Variants in CHID1 observed in about 807,000 individuals in gnomAD.
CHID1 encodes the protein chitinase domain-containing protein 1.
Under a neutral mutation model 55.4 loss-of-function variants are expected in CHID1, and 44 were observed. The observed-to-expected ratio is 0.79, with a 90% CI of 0.62 to 1.02. The LOEUF (loss-of-function observed/expected upper bound fraction) is 1.02. Among genes scored for constraint, CHID1 ranks in the 50% least tolerant of loss-of-function variants. The pLI is 0.00. For missense variants in CHID1, 491 were observed against 515.3 expected (o/e 0.95, Z 0.46); for synonymous variants, 216 against 212.9 (o/e 1.01, Z -0.13).
intron 1 of CHID1, among the ~76,000 whole-genome samples, chr11:907,557 C>A (rs1241579985): frequency 6.6e-6 from 1 of 152,070 alleles, no homozygotes; most frequent in Non-Finnish European, 1.5e-5. Flanking sequence ...TGAACCACCA[C>A]CATAGCCCAG....
intron 8 of CHID1, among the ~76,000 whole-genome samples, chr11:890,275 CCT>C (rs149255759): frequency 0.01 from 1,559 of 152,374 alleles, 29 homozygotes; most frequent in African/African-American, 0.035. Flanking sequence ...TGCCCCATCC[CCT>C]GAGGCTGCGG....
At chr11:895,006 C>T (rs372348043) in intron 7 of CHID1, among the ~76,000 whole-genome samples, 5 of 152,300 alleles carry the variant, frequency 3.3e-5, no homozygotes, top group Admixed American at 6.5e-5. Flanking sequence ...TTGGGCAGCC[C>T]GTCCTCACGC....
intron 10 of CHID1, among the ~76,000 whole-genome samples, chr11:874,385 C>A (rs533994522): frequency 6.6e-6 from 1 of 152,050 alleles, no homozygotes; most frequent in Non-Finnish European, 1.5e-5. Flanking sequence ...ATCACTTGAA[C>A]CTGGGAGGTG....
chr11:902,080 A>G (rs1050798663), intron 4 of CHID1, 118 bp downstream of exon 4: 1 of 1,127,644 alleles, frequency 8.9e-7, no homozygotes, highest in Non-Finnish European at 1.3e-6. Context: ...ACACACACAC[A>G]CTCCCATACA....
At chr11:888,804 GC>G (rs1181457736) in intron 8 of CHID1, among the ~76,000 whole-genome samples, 3 of 151,956 alleles carry the variant, frequency 2.0e-5, no homozygotes, top group Admixed American at 6.6e-5. Flanking sequence ...TGCCCACTCG[GC>G]CTCGACTGGA....
At chr11:870,233 T>C (rs1849073711) in intron 11 of CHID1, 70 bp from the exon 12 acceptor site, 2 of 1,597,804 alleles carry the variant, frequency 1.3e-6, no homozygotes, top group African/African-American at 1.3e-5. Flanking sequence ...ACAGCCAAGG[T>C]CCACGGCCTG....
intron 10 of CHID1, among the ~76,000 whole-genome samples, chr11:880,318 C>T (rs4963142): frequency 0.44 from 67,264 of 152,194 alleles, 15,629 homozygotes; most frequent in Admixed American, 0.52. Flanking sequence ...CCAGCACCCC[C>T]TCGTGTCCGC....
chr11:896,300 C>CGT (rs1851282362), intron 7 of CHID1, among the ~76,000 whole-genome samples: 1 of 121,344 alleles, frequency 8.2e-6, no homozygotes. Flanking sequence ...CCAGACACAA[C>CGT]GAGGCTGTCT....
intron 10 of CHID1, chr11:882,540 C>T (rs1241890395): frequency 1.3e-5 from 2 of 152,538 alleles, no homozygotes. Context: ...AATGAAGACA[C>T]GTCAATAAAA....
chr11:870,701 A>C (rs970284129), intron 10 of CHID1: 1 of 550,966 alleles, frequency 1.8e-6, no homozygotes, highest in Non-Finnish European at 3.3e-6. Flanking sequence ...CTCAGGAAAA[A>C]CATCTTCCAG....
At chr11:905,476 C>T (rs1852144132) in intron 1 of CHID1, among the ~76,000 whole-genome samples, 1 of 152,126 alleles carries the variant, frequency 6.6e-6, no homozygotes, top group Non-Finnish European at 1.5e-5. Context: ...TCATGACCAG[C>T]CTGACCAACA....
At chr11:898,404 G>A (rs1247139874) in intron 7 of CHID1, among the ~76,000 whole-genome samples, 1 of 152,254 alleles carries the variant, frequency 6.6e-6, no homozygotes, top group Non-Finnish European at 1.5e-5. Flanking sequence ...GAAGGCTGAA[G>A]GGCTGGACAG....
chr11:886,636 C>T (rs775403509), intron 8 of CHID1, among the ~76,000 whole-genome samples: 7 of 152,240 alleles, frequency 4.6e-5, no homozygotes, highest in Non-Finnish European at 7.3e-5. Flanking sequence ...GACACCACAG[C>T]TCTCTGCCAT....
chr11:890,408 C>T (rs560235202), intron 8 of CHID1, among the ~76,000 whole-genome samples: 6 of 152,380 alleles, frequency 3.9e-5, no homozygotes, highest in East Asian at 1.9e-4. Context: ...CCACATATAG[C>T]GATGGCCGGC....
chr11:890,008 T>A (rs1406554072), intron 8 of CHID1, among the ~76,000 whole-genome samples: 1 of 150,636 alleles, frequency 6.6e-6, no homozygotes, highest in East Asian at 2.0e-4. Context: ...TCTACTGTTC[T>A]CAGCCTGCAG....
intron 10 of CHID1, among the ~76,000 whole-genome samples, chr11:872,815 G>A (rs909461882): frequency 3.9e-5 from 6 of 152,180 alleles, no homozygotes; most frequent in Non-Finnish European, 8.8e-5. Flanking sequence ...GTTGGCCCTC[G>A]GGCTGTGGGG....
At position 902,250 on chromosome 11, in the gene CHID1, C is replaced by A; in HGVS notation, c.342G>T (p.Lys114Asn). The A allele has an allele frequency of 6.2e-7, 1 of 1,614,048 alleles. No homozygotes were observed. Among genetic ancestry groups the A allele is most frequent in the Non-Finnish European group, 8.5e-7 (1 of 1,180,004 alleles). The change falls in exon 4 of 13, where the codon AAG becomes AAT. Residue 114 changes from lysine (K) to asparagine (N), a missense_variant. Coordinates refer to ENST00000323578, the MANE Select transcript of CHID1 (RefSeq NM_023947.4). ...CCTCAAACATCTCACGGCCACGTCT[C>A]TTCAGCTGCAGCCAGACGGGTGAGA... ...TQISPVWLQLKRRGREMFEVT... is the reference protein window; with the variant it reads ...TQISPVWLQLNRRGREMFEVT...
chr11:889,225 C>T (rs1850627011), intron 8 of CHID1, among the ~76,000 whole-genome samples: 1 of 152,164 alleles, frequency 6.6e-6, no homozygotes, highest in Admixed American at 6.6e-5. Context: ...TGCCATGTAC[C>T]CACACCGTCC....
intron 7 of CHID1, among the ~76,000 whole-genome samples, chr11:894,672 G>A (rs1851125704): frequency 6.6e-6 from 1 of 152,156 alleles, no homozygotes; most frequent in Non-Finnish European, 1.5e-5. Flanking sequence ...TGGGGCAAGA[G>A]CCGGCCCCTG....
Sources: allele counts gnomAD v4.1 joint callset (sites outside exome capture counted in the v4.1 genomes callset), GRCh38; gene constraint gnomAD v4.1.1; transcripts MANE v1.5; gene names NCBI Gene and HGNC (gene_info 2026-07-23, HGNC 2026-07-21).